The following LINGO3 variants were observed in gnomAD, a reference collection of about 807,000 sequenced individuals.
The protein encoded by LINGO3 is leucine-rich repeat and immunoglobulin-like domain-containing nogo receptor-interacting protein 3.
For missense variants in LINGO3, 750 were observed against 867.7 expected (o/e 0.86, Z 1.70); for synonymous variants, 427 against 444.2 (o/e 0.96, Z 0.49).
chr19:2,305,693 G>T, the LINGO3 span, among the ~76,000 whole-genome samples: 8 of 152,164 alleles, frequency 5.3e-5, no homozygotes, highest in African/African-American at 1.9e-4. Flanking sequence ...GTGTGGTAGC[G>T]GTCCCCTCTG....
chr19:2,300,917 C>T, the LINGO3 span, among the ~76,000 whole-genome samples: 10 of 152,320 alleles, frequency 6.6e-5, no homozygotes, highest in African/African-American at 1.2e-4. Flanking sequence ...GGGGTGGGGC[C>T]GTCCTGGGCA....
chr19:2,305,265 T>C, the LINGO3 span, among the ~76,000 whole-genome samples: 1 of 152,060 alleles, frequency 6.6e-6, no homozygotes, highest in Non-Finnish European at 1.5e-5. Flanking sequence ...GCACCGGCCT[T>C]GAGGACCCCC....
the LINGO3 span, among the ~76,000 whole-genome samples, chr19:2,300,627 G>A: frequency 1.3e-5 from 2 of 151,792 alleles, no homozygotes; most frequent in Non-Finnish European, 2.9e-5. Flanking sequence ...GCGTAACCCC[G>A]GCCACGCGGA....
upstream of LINGO3, among the ~76,000 whole-genome samples, chr19:2,294,721 C>T (rs1395805988): frequency 6.6e-6 from 1 of 152,014 alleles, no homozygotes; most frequent in Non-Finnish European, 1.5e-5. This position sits in a 1 kb window ranked among gnomAD's most constrained non-coding sequence, Gnocchi z 4.3. Context: ...AGCTGTGCCT[C>T]CTGGGCTGTT....
chr19:2,297,454 G>A, the LINGO3 span, among the ~76,000 whole-genome samples: 10 of 151,738 alleles, frequency 6.6e-5, no homozygotes, highest in East Asian at 3.9e-4. Context: ...ACAGGTGCCC[G>A]CCACCACGCC....
the LINGO3 span, among the ~76,000 whole-genome samples, chr19:2,303,057 G>A: frequency 1.3e-5 from 2 of 152,188 alleles, no homozygotes; most frequent in Non-Finnish European, 2.9e-5. Context: ...TTCACAGATC[G>A]TCCGCCCGCA....
At chr19:2,291,724 G>A in exon 1 of LINGO3, 2 of 1,344,162 alleles carry the variant, frequency 1.5e-6, no homozygotes, top group African/African-American at 1.6e-5. Context: ...CGGGGGCGGC[G>A]CCGCGGGCAG....
chr19:2,291,892 C>T, exon 1 of LINGO3: 1 of 868,004 alleles, frequency 1.2e-6, no homozygotes, highest in Non-Finnish European at 1.8e-6. Context: ...TGCCGCCAGC[C>T]CGCCCCTAAC....
exon 1 of LINGO3, chr19:2,291,333 G>A: frequency 1.2e-6 from 2 of 1,613,188 alleles, no homozygotes; most frequent in Non-Finnish European, 1.7e-6. Context: ...GGCTGTGCAG[G>A]TCCTGGAAAG....
chr19:2,298,033 C>T, the LINGO3 span, among the ~76,000 whole-genome samples: 60 of 151,394 alleles, frequency 4.0e-4, no homozygotes, highest in Middle Eastern at 6.8e-3. Context: ...GGACTACAGG[C>T]GCCCGCCACC....
At chr19:2,307,322 C>A in the LINGO3 span, among the ~76,000 whole-genome samples, 16 of 152,218 alleles carry the variant, frequency 1.1e-4, no homozygotes. Flanking sequence ...CCCAAGCACA[C>A]GTTGAGAAAC....
the LINGO3 span, among the ~76,000 whole-genome samples, chr19:2,300,839 G>A: frequency 3.3e-5 from 5 of 152,166 alleles, no homozygotes; most frequent in Non-Finnish European, 5.9e-5. Context: ...GTAGGGGGAG[G>A]ATCAGGCCAG....
At chr19:2,304,861 C>T in the LINGO3 span, among the ~76,000 whole-genome samples, 1 of 151,956 alleles carries the variant, frequency 6.6e-6, no homozygotes, top group Admixed American at 6.6e-5. Flanking sequence ...GCATGAGCCA[C>T]CACGTCCGGC....
At chr19:2,288,876 G>T (rs2025489087), downstream of LINGO3, among the ~76,000 whole-genome samples, 1 of 152,102 alleles carries the variant, frequency 6.6e-6, no homozygotes, top group Non-Finnish European at 1.5e-5. The surrounding 1 kb of genome is among the most constrained non-coding windows in gnomAD (Gnocchi z 6.5). Context: ...GCATGTCCCT[G>T]GTGTGAGCTG....
chr19:2,297,105 A>C, the LINGO3 span, among the ~76,000 whole-genome samples: 1 of 151,542 alleles, frequency 6.6e-6, no homozygotes, highest in African/African-American at 2.4e-5. Flanking sequence ...AAAAAATAAA[A>C]AAGAAGAAGA....
exon 1 of LINGO3, chr19:2,291,308 C>T (rs745645019): frequency 2.4e-5 from 38 of 1,612,720 alleles, no homozygotes; most frequent in African/African-American, 4.0e-5. Context: ...TTGTCGCCCA[C>T]TTCCAGCCGG....
upstream of LINGO3, among the ~76,000 whole-genome samples, chr19:2,295,988 G>A (rs1315781095): frequency 2.0e-5 from 3 of 152,066 alleles, no homozygotes; most frequent in Non-Finnish European, 4.4e-5. Flanking sequence ...AGGGAGGGAG[G>A]AAGGGAGGGA....
the LINGO3 span, among the ~76,000 whole-genome samples, chr19:2,302,809 G>T: frequency 6.6e-6 from 1 of 152,262 alleles, no homozygotes; most frequent in Admixed American, 6.5e-5. Context: ...GACGGCGTTG[G>T]CGGTGGTGGA....
exon 1 of LINGO3, chr19:2,291,714 C>A: frequency 7.5e-7 from 1 of 1,341,682 alleles, no homozygotes. Flanking sequence ...AGCCTCCAGC[C>A]GGGGGCGGCG....
Sources: gnomAD v4.1 joint callset for allele counts (sites outside exome capture counted in the v4.1 genomes callset) on GRCh38, gnomAD v4.1.1 for gene constraint, Gnocchi (gnomAD v3.1) non-coding constraint, MANE v1.5 for transcripts, NCBI Gene and HGNC (gene_info 2026-07-23, HGNC 2026-07-21) for gene names.